The following RAF1 variants were observed in gnomAD, a reference collection of about 807,000 sequenced individuals.
RAF1 encodes the protein RAF proto-oncogene serine/threonine-protein kinase.
A neutral mutation model predicts 81.1 loss-of-function variants in RAF1; 27 were observed. That is an observed-to-expected ratio of 0.33 (90% CI 0.25 to 0.46). The LOEUF is 0.46. Ranked by LOEUF, RAF1 falls within the 20% of genes least tolerant of loss-of-function variation. RAF1 has a pLI of 1.00. For synonymous variants in RAF1, 298 were observed against 294.0 expected (o/e 1.01, Z -0.14); for missense variants, 598 against 826.0 (o/e 0.72, Z 3.38).
At chr3:12,654,819 T>A (rs946559650) in intron 1 of RAF1, among the ~76,000 whole-genome samples, 3 of 144,126 alleles carry the variant, frequency 2.1e-5, no homozygotes, top group African/African-American at 7.6e-5. Flanking sequence ...AAAAAACCCA[T>A]CAGATCCAAA....
At position 12,626,244 on chromosome 3, in the gene RAF1, C is replaced by CA. The variant is rs201895405; in HGVS notation, c.-26-7498dup. Among the ~76,000 whole-genome samples, 183 of 104,146 alleles carry CA rather than the reference C, an allele frequency of 1.8e-3. 1 individual carries two copies. Among genetic ancestry groups the CA allele is most frequent in the Middle Eastern group, 4.9e-3 (1 of 204 alleles). The allele number at this position is 104,146 out of a possible 152,430, so 68.3% of individuals were successfully genotyped here. On this transcript the variant is annotated intron_variant, in intron 1 of 17. Coordinates refer to ENST00000442415, the MANE Select transcript of RAF1 (RefSeq NM_001354689.3). ...GAGCAACATGAGCAAAACTCTGTCT[C>CA]AAAAAAAAAAAAAAAAAGTAAACCA...
intron 13 of RAF1, chr3:12,589,070 G>C (rs1222452587): frequency 6.4e-6 from 1 of 155,440 alleles, no homozygotes; most frequent in Admixed American, 6.5e-5. Flanking sequence ...GGCCTCACCA[G>C]ACACAGATGC....
chr3:12,604,126 G>A lies in RAF1; in HGVS notation c.834+10C>T, dbSNP rs376815207. ...TGACTGACATTACCACCCCCAAGGT[G>A]CCCTATTACCTCAATCATCCTGCTG... On this transcript the variant is annotated intron_variant, in intron 7 of 17. Transcript: ENST00000442415. 11 of 1,613,934 alleles carry A rather than the reference G, an allele frequency of 6.8e-6. No homozygotes were observed. In the African/African-American group the frequency reaches 9.3e-5, roughly 14 times the overall value.
At chr3:12,658,470 C>T (rs1259049748) in intron 1 of RAF1, among the ~76,000 whole-genome samples, 1 of 151,874 alleles carries the variant, frequency 6.6e-6, no homozygotes, top group African/African-American at 2.4e-5. Flanking sequence ...GGTGTGGTGG[C>T]GCATGCCTGT....
intron 1 of RAF1, among the ~76,000 whole-genome samples, chr3:12,660,213 C>G (rs2060831735): frequency 6.6e-6 from 1 of 151,952 alleles, no homozygotes; most frequent in South Asian, 2.1e-4. Flanking sequence ...TACTTTTTGT[C>G]AGAAATTACC....
At chr3:12,655,988 C>T (rs763757364) in intron 1 of RAF1, among the ~76,000 whole-genome samples, 8 of 151,116 alleles carry the variant, frequency 5.3e-5, no homozygotes, top group South Asian at 4.2e-4. Flanking sequence ...GTTCTGGAAA[C>T]GAGTAGTGGC....
chr3:12,599,830 A>G, intron 10 of RAF1, 22 bp from the exon 10 acceptor site: 3 of 1,532,466 alleles, frequency 2.0e-6, no homozygotes, highest in East Asian at 4.5e-5. Flanking sequence ...AGAGATCATT[A>G]TTATACTCCA....
chr3:12,616,307 G>C (rs1039432429), intron 2 of RAF1, among the ~76,000 whole-genome samples: 2 of 152,186 alleles, frequency 1.3e-5, no homozygotes, highest in Non-Finnish European at 2.9e-5. Flanking sequence ...AGATGGGGAT[G>C]GAGAAGATAG....
rs985305021 is a variant in RAF1 at position 12,646,883 on chromosome 3, A to G, written c.-27+16930T>C. 6.6e-5 allele frequency among the ~76,000 whole-genome samples: 10 copies of G among 151,712 alleles called. No individual in the cohort carries two copies. In the East Asian group the frequency reaches 1.8e-3, roughly 27 times the overall value. ...TGATTTTAGTAGAGAAAGGGTTTCA[A>G]TGTGTTGGCCAGGCTGGTCTCAAAC... On this transcript the variant is annotated intron_variant, in intron 1 of 17. Transcript: ENST00000442415.
At chr3:12,645,494 T>G (rs985519456) in intron 1 of RAF1, among the ~76,000 whole-genome samples, 1 of 152,194 alleles carries the variant, frequency 6.6e-6, no homozygotes, top group African/African-American at 2.4e-5. Flanking sequence ...ATACACTGAT[T>G]TGAATGGTAC....
At chr3:12,598,845 C>T (rs1224414205) in intron 11 of RAF1, among the ~76,000 whole-genome samples, 1 of 149,214 alleles carries the variant, frequency 6.7e-6, no homozygotes, top group Non-Finnish European at 1.5e-5. Flanking sequence ...TTCTCTCAAT[C>T]TTTGCACATT....
intron 1 of RAF1, among the ~76,000 whole-genome samples, chr3:12,639,291 A>G (rs958728453): frequency 6.6e-6 from 1 of 152,206 alleles, no homozygotes; most frequent in Non-Finnish European, 1.5e-5. Flanking sequence ...AACTGGAAGC[A>G]TTCCCTTTGA....
At chr3:12,586,344 A>G (rs1022201872) in intron 14 of RAF1, among the ~76,000 whole-genome samples, 3 of 152,226 alleles carry the variant, frequency 2.0e-5, no homozygotes, top group Non-Finnish European at 4.4e-5. Context: ...CAAAATGAGA[A>G]CTGAAGTCGG....
In RAF1 at chr3:12,612,012, G is replaced by A. The variant is rs1575588814; in HGVS notation, c.258C>T (p.Leu86=). The A allele has an allele frequency of 6.2e-7, 1 of 1,614,128 alleles. No homozygotes were observed. Among genetic ancestry groups the A allele is most frequent in the Non-Finnish European group, 8.5e-7 (1 of 1,180,030 alleles). ...ACTCTGGTTGCAGGCCCCTCACCTT[G>A]AGTGCTTTCATAAGGCAGTCATGCA... The change falls in exon 3 of 18, where the codon CTC becomes CTT. Residue 86 remains leucine (L), a synonymous_variant. Transcript: ENST00000442415.
At chr3:12,645,629 G>A (rs1278565110) in intron 1 of RAF1, among the ~76,000 whole-genome samples, 2 of 152,184 alleles carry the variant, frequency 1.3e-5, no homozygotes, top group Non-Finnish European at 2.9e-5. Flanking sequence ...GTAATGTAGT[G>A]GTTAAGAGTT....
intron 6 of RAF1, among the ~76,000 whole-genome samples, chr3:12,604,704 C>T (rs555588987): frequency 2.6e-5 from 4 of 152,262 alleles, no homozygotes; most frequent in East Asian, 1.9e-4. Context: ...GATAAGTAGA[C>T]GTGCTGAGCA....
rs2058813459 is a variant in RAF1 at position 12,600,132 on chromosome 3, G to C, written c.1050+20C>G. The C allele has an allele frequency of 1.9e-6, 3 of 1,613,862 alleles. No homozygotes were observed. The highest frequency in any genetic ancestry group is 2.5e-6 in the Non-Finnish European group (3 of 1,179,922). On this transcript the variant is annotated intron_variant, in intron 10 of 17. Transcript: ENST00000442415. ...CTTACTGAACCCTAATTGGCAGGAG[G>C]TACTGTTGTCTATACTCACAATTTT... is the stretch of plus-strand genomic sequence containing the variant.
At chr3:12,592,954 T>C (rs186964337) in intron 11 of RAF1, among the ~76,000 whole-genome samples, 52 of 151,828 alleles carry the variant, frequency 3.4e-4, no homozygotes, top group African/African-American at 1.2e-3. Flanking sequence ...TTAGCCAGGA[T>C]GGTCTCGATC....
chr3:12,612,818 A>G (rs2059258224), intron 2 of RAF1, among the ~76,000 whole-genome samples: 1 of 152,212 alleles, frequency 6.6e-6, no homozygotes, highest in African/African-American at 2.4e-5. Context: ...TGTGATTAGA[A>G]TGTATACACA....
Sources: gnomAD v4.1 joint callset for allele counts (sites outside exome capture counted in the v4.1 genomes callset) on GRCh38, gnomAD v4.1.1 for gene constraint, MANE v1.5 for transcripts, NCBI Gene and HGNC (gene_info 2026-07-23, HGNC 2026-07-21) for gene names.